Variants in RRAGC observed in about 807,000 individuals in gnomAD.
RRAGC encodes ras-related GTP-binding protein C.
Under a neutral mutation model 37.1 loss-of-function variants are expected in RRAGC, and 8 were observed. That is an observed-to-expected ratio of 0.22 (90% CI 0.13 to 0.39). RRAGC has a LOEUF of 0.39. Ranked by LOEUF, RRAGC falls within the 10% of genes least tolerant of loss-of-function variation. The pLI is 1.00. For missense variants in RRAGC, 342 were observed against 497.6 expected (o/e 0.69, Z 2.98); for synonymous variants, 190 against 181.1 (o/e 1.05, Z -0.39).
intron 5 of RRAGC, among the ~76,000 whole-genome samples, chr1:38,850,298 C>CA (rs1390850719): frequency 6.6e-6 from 1 of 151,992 alleles, no homozygotes; most frequent in Non-Finnish European, 1.5e-5. Context: ...ATCACAAGGT[C>CA]AGGAAATCGA....
In RRAGC at chr1:38,850,440, G is replaced by A. The variant is rs531207479; in HGVS notation, c.899+1175C>T. On this transcript the variant is annotated intron_variant, in intron 5 of 6. Transcript: ENST00000373001. ...GAGGCAGGAAAGTGGCGTGAACCTG[G>A]GAGGTGGAGCTTGCAGTGAGCCAAG... 5.3e-5 allele frequency among the ~76,000 whole-genome samples: 8 copies of A among 152,166 alleles called. No individual in the cohort carries two copies. In the East Asian group the frequency reaches 1.5e-3, roughly 29 times the overall value.
At chr1:38,843,117 G>A (rs1281346186) in intron 6 of RRAGC, among the ~76,000 whole-genome samples, 1 of 152,060 alleles carries the variant, frequency 6.6e-6, no homozygotes, top group Non-Finnish European at 1.5e-5. Context: ...ACTGCTTGAG[G>A]CAACGAGTTC....
chr1:38,843,024 G>A (rs1336223756), intron 6 of RRAGC, among the ~76,000 whole-genome samples: 1 of 152,150 alleles, frequency 6.6e-6, no homozygotes, highest in Non-Finnish European at 1.5e-5. Flanking sequence ...TTTCAATTGA[G>A]AAAAACACAC....
At chr1:38,856,006 A>G (rs548657101) in intron 2 of RRAGC, 99 bp from the exon 3 acceptor site, 1 of 725,682 alleles carries the variant, frequency 1.4e-6, no homozygotes, top group South Asian at 1.8e-5. Context: ...ACAGAAAAAT[A>G]CTATCCTAAT....
intron 6 of RRAGC, among the ~76,000 whole-genome samples, chr1:38,842,007 G>A (rs868138196): frequency 3.3e-5 from 5 of 152,078 alleles, no homozygotes; most frequent in Non-Finnish European, 5.9e-5. Flanking sequence ...GCGTGGTGGC[G>A]GGTGCCTGTA....
At chr1:38,857,244 T>C (rs1356990608) in intron 1 of RRAGC, among the ~76,000 whole-genome samples, 162 bp from the exon 2 acceptor site, 1 of 152,216 alleles carries the variant, frequency 6.6e-6, no homozygotes, top group Non-Finnish European at 1.5e-5. Flanking sequence ...TATCCCTTTA[T>C]TTTTGACAAA....
At chr1:38,844,111 A>G (rs979875221) in intron 6 of RRAGC, among the ~76,000 whole-genome samples, 4 of 152,190 alleles carry the variant, frequency 2.6e-5, no homozygotes, top group African/African-American at 9.6e-5. Flanking sequence ...CCCTTCAGCA[A>G]TCACACCACA....
rs1642196971 is a variant in RRAGC at position 38,858,656 on chromosome 1, C to A, written c.237+754G>T. Among the ~76,000 whole-genome samples the A allele has an allele frequency of 2.0e-5, 3 of 152,328 alleles. No individual in the cohort carries two copies. The South Asian group carries it at 6.2e-4, about 32-fold the overall frequency. On this transcript the variant is annotated intron_variant, in intron 1 of 6. Transcript: ENST00000373001. ...GAGGTTGCAGTGAGCCGAGATTGCA[C>A]CACTGCATTCTCCAGCCTGGGCGAC...
At chr1:38,858,402 C>T (rs890232190) in intron 1 of RRAGC, among the ~76,000 whole-genome samples, 1 of 152,148 alleles carries the variant, frequency 6.6e-6, no homozygotes, top group African/African-American at 2.4e-5. Flanking sequence ...CTATTTAACC[C>T]TCACTAAACA....
chr1:38,853,410 C>A (rs768318504), intron 3 of RRAGC, among the ~76,000 whole-genome samples: 30 of 152,164 alleles, frequency 2.0e-4, no homozygotes, highest in Non-Finnish European at 3.4e-4. Context: ...CACATTTATA[C>A]GTATATATAA....
chr1:38,840,147 CAAAAA>C (rs397939319), intron 6 of RRAGC, among the ~76,000 whole-genome samples: 2 of 45,064 alleles, frequency 4.4e-5, no homozygotes, highest in African/African-American at 7.5e-5. Flanking sequence ...GACTCCAACT[CAAAAA>C]AAAAAAAAAA....
chr1:38,839,965 T>A (rs549968363), intron 6 of RRAGC, among the ~76,000 whole-genome samples: 180 of 151,852 alleles, frequency 1.2e-3, no homozygotes, highest in Non-Finnish European at 2.3e-3. Context: ...GCTAACACGG[T>A]GAAACCCCGT....
At chr1:38,859,215 C>T (rs971723768) in intron 1 of RRAGC, among the ~76,000 whole-genome samples, 195 bp downstream of exon 1, 7 of 152,390 alleles carry the variant, frequency 4.6e-5, no homozygotes, top group Admixed American at 1.3e-4. Context: ...CTCCACTTGG[C>T]TTCAGCTGAC....
At chr1:38,853,230 T>C (rs1038345975) in intron 3 of RRAGC, among the ~76,000 whole-genome samples, 1 of 152,194 alleles carries the variant, frequency 6.6e-6, no homozygotes, top group African/African-American at 2.4e-5. Context: ...AATGGAGGAA[T>C]CTACAGGAGT....
chr1:38,846,180 AT>A, intron 5 of RRAGC, 93 bp from the exon 6 acceptor site: 1 of 983,604 alleles, frequency 1.0e-6, no homozygotes, highest in South Asian at 1.5e-5. Flanking sequence ...AGTTTCCCAA[AT>A]GTCTCTGGGA....
At chr1:38,857,225 G>A (rs1195468618) in intron 1 of RRAGC, 143 bp from the exon 2 acceptor site, 5 of 616,674 alleles carry the variant, frequency 8.1e-6, no homozygotes, top group Non-Finnish European at 1.1e-5. Context: ...TGAATCCATT[G>A]GTATTCACTA....
At chr1:38,853,608 G>A (rs748017268) in intron 3 of RRAGC, among the ~76,000 whole-genome samples, 34 of 152,112 alleles carry the variant, frequency 2.2e-4, no homozygotes, top group Non-Finnish European at 3.7e-4. Context: ...TTAGCCAGGC[G>A]TGGTGGCGCA....
rs1641922215 is a variant in RRAGC at position 38,839,352 on chromosome 1, A to G, written c.*201T>C. 1 of 381,330 alleles carries G rather than the reference A, an allele frequency of 2.6e-6. No homozygotes were observed. The highest frequency in any genetic ancestry group is 4.5e-6 in the Non-Finnish European group (1 of 224,624). The allele number at this position is 381,330 out of a possible 1,614,324, so 23.6% of individuals were successfully genotyped here. ...AGAATTTTTTTTTTTTTTTTTTGCCATTTTCAAAAAAGATATAGTAGCTTC... is the reference window on the plus strand; with the variant it reads ...AGAATTTTTTTTTTTTTTTTTTGCCGTTTTCAAAAAAGATATAGTAGCTTC... On this transcript the variant is annotated 3_prime_UTR_variant, in exon 7 of 7. Transcript: ENST00000373001.
chr1:38,850,512 T>TAATAAATAAATAAATAAATA (rs3072435), intron 5 of RRAGC, among the ~76,000 whole-genome samples: 1 of 147,794 alleles, frequency 6.8e-6, no homozygotes, highest in African/African-American at 2.5e-5. Flanking sequence ...AGACTCCGTT[T>TAATAAATAAATAAATAAATA]AATAAATAAA....
Sources: gnomAD v4.1 joint callset for allele counts (sites outside exome capture counted in the v4.1 genomes callset) on GRCh38, gnomAD v4.1.1 for gene constraint, MANE v1.5 for transcripts, NCBI Gene and HGNC (gene_info 2026-07-23, HGNC 2026-07-21) for gene names.